Variants in PPM1D observed in about 807,000 individuals in gnomAD.
The protein encoded by PPM1D is protein phosphatase, Mg2+/Mn2+ dependent 1D, also known as protein phosphatase 1D.
Under a neutral mutation model 58.3 loss-of-function variants are expected in PPM1D, and 52 were observed. The observed-to-expected ratio is 0.89, with a 90% CI of 0.71 to 1.12. The LOEUF (loss-of-function observed/expected upper bound fraction) is 1.12. PPM1D is among the 50% of genes most tolerant of loss of function. The pLI is 0.00. For missense variants in PPM1D, 564 were observed against 777.2 expected (o/e 0.73, Z 3.26); for synonymous variants, 278 against 285.1 (o/e 0.98, Z 0.25).
intron 3 of PPM1D, among the ~76,000 whole-genome samples, chr17:60,639,234 G>C (rs1366658206): frequency 6.7e-6 from 1 of 149,424 alleles, no homozygotes; most frequent in Non-Finnish European, 1.5e-5. Flanking sequence ...TCCTGCCTCA[G>C]CTTCCCAAGT....
intron 2 of PPM1D, among the ~76,000 whole-genome samples, chr17:60,629,117 A>G (rs1478982031): frequency 6.6e-6 from 1 of 152,224 alleles, no homozygotes; most frequent in East Asian, 1.9e-4. Context: ...TAAATGTGAA[A>G]TATCACCTCT....
chr17:60,609,045 C>A (rs1161867758), intron 1 of PPM1D, among the ~76,000 whole-genome samples: 2 of 151,800 alleles, frequency 1.3e-5, no homozygotes, highest in South Asian at 4.2e-4. Context: ...CCGCGCCCGG[C>A]CTTTATTATG....
rs569835634 is a variant in PPM1D, at chr17:60,660,651, C to T, written c.1261-2344C>T. Among the ~76,000 whole-genome samples the T allele has an allele frequency of 5.3e-5, 8 of 151,878 alleles. No individual in the cohort carries two copies. In the South Asian group the frequency reaches 6.2e-4, roughly 12 times the overall value. The stretch of plus-strand genomic sequence containing the variant: ...TGGTGAGCACCTCTAACCCCAGCTA[C>T]TCGGGAGGGTGAGGTGGGAGAATCG... On this transcript the variant is annotated intron_variant, in intron 5 of 5. Transcript: ENST00000305921.
intron 1 of PPM1D, among the ~76,000 whole-genome samples, chr17:60,617,187 G>C (rs926084927): frequency 6.6e-6 from 1 of 151,110 alleles, no homozygotes; most frequent in African/African-American, 2.4e-5. Flanking sequence ...TGGTCTCCTG[G>C]CCTCAAGTGG....
intron 3 of PPM1D, 47 bp downstream of exon 3, chr17:60,634,024 A>G: frequency 6.3e-7 from 1 of 1,590,314 alleles, no homozygotes; most frequent in South Asian, 1.1e-5. Flanking sequence ...TTTCTACAAT[A>G]TATGGTGGCA....
intron 1 of PPM1D, among the ~76,000 whole-genome samples, chr17:60,603,629 G>A (rs535293624): frequency 6.6e-6 from 1 of 152,330 alleles, no homozygotes; most frequent in South Asian, 2.1e-4. Flanking sequence ...CGGGTGTGGT[G>A]GTGCATGCCT....
At chr17:60,644,611 G>T (rs1169702970) in intron 3 of PPM1D, among the ~76,000 whole-genome samples, 1 of 152,176 alleles carries the variant, frequency 6.6e-6, no homozygotes, top group East Asian at 1.9e-4. Context: ...CTGTTTGGAG[G>T]TGAAGTGTTT....
chr17:60,639,127 T>G (rs750427292), intron 3 of PPM1D, among the ~76,000 whole-genome samples: 1 of 152,172 alleles, frequency 6.6e-6, no homozygotes, highest in Non-Finnish European at 1.5e-5. Context: ...AAAATTATTT[T>G]TTTTTGAGAC....
At chr17:60,645,568 A>G (rs1171832001) in intron 3 of PPM1D, among the ~76,000 whole-genome samples, 1 of 138,030 alleles carries the variant, frequency 7.2e-6, no homozygotes, top group Non-Finnish European at 1.5e-5. Flanking sequence ...GTGTGTATAT[A>G]TATGTATATA....
intron 4 of PPM1D, among the ~76,000 whole-genome samples, chr17:60,655,923 G>A (rs1243818525): frequency 2.0e-5 from 3 of 150,352 alleles, no homozygotes; most frequent in African/African-American, 7.3e-5. Flanking sequence ...GGATGGTCTC[G>A]ATCTCCTGAC....
At chr17:60,628,057 C>T (rs1252287509) in intron 2 of PPM1D, among the ~76,000 whole-genome samples, 2 of 151,688 alleles carry the variant, frequency 1.3e-5, no homozygotes, top group South Asian at 2.1e-4. Flanking sequence ...TTAGTAGAGA[C>T]GGGGTTTCAC....
At chr17:60,638,795 C>T (rs1056828683) in intron 3 of PPM1D, among the ~76,000 whole-genome samples, 2 of 152,030 alleles carry the variant, frequency 1.3e-5, no homozygotes, top group East Asian at 1.9e-4. Flanking sequence ...TTATGGTTTA[C>T]GGCCATTTTT....
intron 1 of PPM1D, among the ~76,000 whole-genome samples, chr17:60,620,765 T>C (rs56183136): frequency 0.12 from 18,766 of 151,624 alleles, 3,561 homozygotes; most frequent in African/African-American, 0.41. Flanking sequence ...ACTTTGGCTT[T>C]CCAAAGTGCT....
At chr17:60,654,004 T>C (rs2143713516) in intron 4 of PPM1D, among the ~76,000 whole-genome samples, 2 of 152,272 alleles carry the variant, frequency 1.3e-5, no homozygotes, top group Middle Eastern at 6.8e-3. Flanking sequence ...GTTTCCAGTT[T>C]GGTTACCCTT....
chr17:60,623,679 G>T lies in PPM1D; in HGVS notation c.631G>T (p.Val211Leu). The change falls in exon 2 of 6, where the codon GTG becomes TTG. Residue 211 changes from valine to leucine, a missense_variant. Val to Leu is a conservative substitution (Grantham distance 32, BLOSUM62 1). This residue lies in a region of PPM1D where 95 missense variants were observed against 232.6 expected (regional missense o/e 0.41). Transcript: ENST00000305921. The part of the protein sequence containing the change: ...DDPKDDFVRA[V>L]EVTQDHKPEL... ...CCCGAAGGATGACTTTGTCAGAGCT[G>T]TGGAGGTGACACAGGACCATAAGCC... The T allele has an allele frequency of 6.2e-7, 1 of 1,614,220 alleles. No individual in the cohort carries two copies. The highest frequency in any genetic ancestry group is 8.5e-7 in the Non-Finnish European group (1 of 1,180,038).
At chr17:60,640,602 T>C (rs2031114617) in intron 3 of PPM1D, among the ~76,000 whole-genome samples, 1 of 152,204 alleles carries the variant, frequency 6.6e-6, no homozygotes, top group Admixed American at 6.6e-5. Flanking sequence ...GTATATTGCA[T>C]GGTGCTGAGG....
chr17:60,640,152 C>T (rs1567973010), intron 3 of PPM1D, among the ~76,000 whole-genome samples: 2 of 152,090 alleles, frequency 1.3e-5, no homozygotes, highest in South Asian at 2.1e-4. Context: ...AATCTCCCCT[C>T]TACAAAGAAT....
intron 4 of PPM1D, 93 bp downstream of exon 4, chr17:60,648,175 TG>T (rs2031281900): frequency 3.6e-6 from 5 of 1,383,526 alleles, no homozygotes; most frequent in Non-Finnish European, 4.9e-6. Context: ...ACATTGACCT[TG>T]GGTAGATTTT....
At chr17:60,620,219 G>A (rs997892917) in intron 1 of PPM1D, among the ~76,000 whole-genome samples, 89 of 152,020 alleles carry the variant, frequency 5.9e-4, no homozygotes, top group Admixed American at 1.6e-3. Context: ...GGCTGGTATT[G>A]AACTCCTGAC....
Sources: allele counts gnomAD v4.1 joint callset (sites outside exome capture counted in the v4.1 genomes callset), GRCh38; gene constraint gnomAD v4.1.1; regional missense constraint gnomAD v4.1.1; transcripts MANE v1.5; gene names NCBI Gene and HGNC (gene_info 2026-07-23, HGNC 2026-07-21).